Variants in CHSY3 observed in about 807,000 individuals in gnomAD.
The protein encoded by CHSY3 is N-acetylgalactosaminyl-proteoglycan 3-beta-glucuronosyltransferase 3.
Under a neutral mutation model 67.2 loss-of-function variants are expected in CHSY3, and 35 were observed. The observed-to-expected ratio is 0.52, with a 90% CI of 0.40 to 0.69. The LOEUF is 0.69. CHSY3 is among the 30% of genes least tolerant of loss of function. CHSY3 has a pLI of 0.00. For synonymous variants in CHSY3, 474 were observed against 434.7 expected (o/e 1.09, Z -1.12); for missense variants, 1,069 against 1,138.5 (o/e 0.94, Z 0.88).
chr5:130,120,486 G>GAAAAAAAAAAAAAAAAAA (rs34727574), intron 2 of CHSY3, among the ~76,000 whole-genome samples: 3 of 95,840 alleles, frequency 3.1e-5, no homozygotes, highest in African/African-American at 3.6e-5. Flanking sequence ...ATTTCTGAAA[G>GAAAAAAAAAAAAAAAAAA]AAAAAAAAAA....
chr5:130,091,144 G>GCACACACA (rs142056276), intron 2 of CHSY3, among the ~76,000 whole-genome samples: 2 of 136,804 alleles, frequency 1.5e-5, no homozygotes, highest in Non-Finnish European at 3.1e-5. Context: ...ACGCACACGC[G>GCACACACA]CGCACACACA....
chr5:130,045,951 A>G (rs1765134449), intron 2 of CHSY3, among the ~76,000 whole-genome samples: 1 of 151,972 alleles, frequency 6.6e-6, no homozygotes, highest in South Asian at 2.1e-4. Flanking sequence ...AGATGTGCTG[A>G]ACTCTGGAAA....
At chr5:129,998,155 A>T (rs1291849052) in intron 2 of CHSY3, among the ~76,000 whole-genome samples, 1 of 152,168 alleles carries the variant, frequency 6.6e-6, no homozygotes, top group Non-Finnish European at 1.5e-5. Context: ...ATTTCTCCAC[A>T]TCCTCTCCAG....
At chr5:130,038,408 T>C (rs1488217830) in intron 2 of CHSY3, among the ~76,000 whole-genome samples, 2 of 152,128 alleles carry the variant, frequency 1.3e-5, no homozygotes, top group East Asian at 3.9e-4. Flanking sequence ...GTGTTATTTA[T>C]TGTTGGTTGT....
intron 2 of CHSY3, among the ~76,000 whole-genome samples, chr5:129,934,487 C>T (rs1349285560): frequency 6.6e-6 from 1 of 152,000 alleles, no homozygotes; most frequent in African/African-American, 2.4e-5. Flanking sequence ...GAATTTAATG[C>T]AGTTTATCCT....
At position 130,074,093 on chromosome 5, in the gene CHSY3, C is replaced by G. The variant is rs188433416; in HGVS notation, c.1087-110136C>G. Reference sequence around the variant, plus strand: ...TTTTGTTTTTTGTTTTTTTTTGAGACAGAGTCTCGCTCTGTCACCCAGGCT... The same window carrying G: ...TTTTGTTTTTTGTTTTTTTTTGAGAGAGAGTCTCGCTCTGTCACCCAGGCT... On this transcript the variant is annotated intron_variant, in intron 2 of 2. Transcript: ENST00000305031. Among the ~76,000 whole-genome samples, 757 of 151,820 alleles carry G rather than the reference C, an allele frequency of 5.0e-3. 9 individuals carry two copies. The highest frequency in any genetic ancestry group is 0.017 in the African/African-American group (721 of 41,380).
At chr5:130,096,241 C>T (rs931917326) in intron 2 of CHSY3, among the ~76,000 whole-genome samples, 1 of 152,166 alleles carries the variant, frequency 6.6e-6, no homozygotes, top group Non-Finnish European at 1.5e-5. Flanking sequence ...GGCGCAGCCT[C>T]AGCTCACTGC....
chr5:130,163,245 G>C (rs544731675), intron 2 of CHSY3, among the ~76,000 whole-genome samples: 74 of 152,194 alleles, frequency 4.9e-4, no homozygotes, highest in African/African-American at 1.6e-3. Flanking sequence ...ACACAGTATT[G>C]ATTAAAATAA....
At chr5:130,125,416 CAGATAGATAGATAGAT>C (rs202095756) in intron 2 of CHSY3, among the ~76,000 whole-genome samples, 1 of 140,892 alleles carries the variant, frequency 7.1e-6, no homozygotes, top group Non-Finnish European at 1.5e-5. Flanking sequence ...GATCCTGTCT[CAGATAGATAGATAGAT>C]AGATAGATAG....
At chr5:130,080,486 A>G (rs1284552403) in intron 2 of CHSY3, among the ~76,000 whole-genome samples, 1 of 152,162 alleles carries the variant, frequency 6.6e-6, no homozygotes, top group African/African-American at 2.4e-5. Flanking sequence ...TACTTTGTTC[A>G]TAATTTGTTG....
intron 2 of CHSY3, among the ~76,000 whole-genome samples, chr5:130,111,385 T>C (rs1219352890): frequency 6.6e-6 from 1 of 152,116 alleles, no homozygotes; most frequent in African/African-American, 2.4e-5. Flanking sequence ...TGAATATATA[T>C]GGCTAATTTT....
chr5:130,100,221 G>A (rs996602290), intron 2 of CHSY3, among the ~76,000 whole-genome samples: 17 of 151,916 alleles, frequency 1.1e-4, no homozygotes, highest in African/African-American at 2.7e-4. Flanking sequence ...TCGCTCTGTC[G>A]CCCAGGCTGG....
intron 2 of CHSY3, among the ~76,000 whole-genome samples, chr5:129,929,257 A>T (rs1295095067): frequency 6.6e-6 from 1 of 152,202 alleles, no homozygotes; most frequent in Non-Finnish European, 1.5e-5. Context: ...ATCTGTGAGG[A>T]GTGAAAGAGA....
intron 2 of CHSY3, among the ~76,000 whole-genome samples, chr5:129,917,309 A>G (rs181354121): frequency 2.4e-4 from 36 of 152,310 alleles, no homozygotes; most frequent in East Asian, 7.7e-4. Context: ...AGTTCCTTAT[A>G]TAAAATGGTG....
chr5:129,995,206 A>G (rs1204265810), intron 2 of CHSY3, among the ~76,000 whole-genome samples: 1 of 152,076 alleles, frequency 6.6e-6, no homozygotes, highest in Admixed American at 6.6e-5. Context: ...ACATAGTTTT[A>G]TGTTTATTAG....
chr5:130,184,408 C>G lies in CHSY3; in HGVS notation c.1266C>G (p.Ile422Met). The G allele has an allele frequency of 1.9e-6, 3 of 1,613,670 alleles. No individual in the cohort carries two copies. Among genetic ancestry groups the G allele is most frequent in the Non-Finnish European group, 2.5e-6 (3 of 1,179,556 alleles). Residue 422 changes from isoleucine (I) to methionine (M), a missense_variant, in exon 3 of 3, where the codon ATC becomes ATG. Around this residue, in one of 5 missense-constraint regions of CHSY3, gnomAD observed 401 missense variants for 395.2 expected, o/e 1.01. Coordinates refer to ENST00000305031, the MANE Select transcript of CHSY3 (RefSeq NM_175856.5). ...TTTCTGAACTTCGCTACCGCACCAT[C>G]CAGCTCCACAGGGAAAGTGCCCTGA... ...RKISELRYRT[I>M]QLHRESALMS...
chr5:129,997,246 C>A (rs1281996796), intron 2 of CHSY3, among the ~76,000 whole-genome samples: 2 of 152,038 alleles, frequency 1.3e-5, no homozygotes, highest in African/African-American at 4.8e-5. Context: ...ACAATATATG[C>A]CATATACATG....
intron 2 of CHSY3, among the ~76,000 whole-genome samples, chr5:130,055,740 T>C (rs1765511401): frequency 6.6e-6 from 1 of 151,862 alleles, no homozygotes; most frequent in Admixed American, 6.6e-5. Flanking sequence ...CCGGAAGCAC[T>C]GTGGTGGGAA....
intron 2 of CHSY3, among the ~76,000 whole-genome samples, chr5:129,944,549 G>A (rs1369598139): frequency 1.3e-5 from 2 of 152,078 alleles, no homozygotes; most frequent in African/African-American, 4.8e-5. Context: ...TGGTCAGGCT[G>A]GTCTTGAACT....
Sources: allele counts gnomAD v4.1 joint callset (sites outside exome capture counted in the v4.1 genomes callset), GRCh38; gene constraint gnomAD v4.1.1; regional missense constraint gnomAD v4.1.1; transcripts MANE v1.5; gene names NCBI Gene and HGNC (gene_info 2026-07-23, HGNC 2026-07-21).